Variants in RBFOX1 observed in about 807,000 individuals in gnomAD.
The protein encoded by RBFOX1 is RNA binding protein fox-1 homolog 1.
RBFOX1 carries 8 observed loss-of-function variants against 57.7 expected under a neutral mutation model. The ratio of observed to expected loss-of-function variants is 0.14; its 90% CI spans 0.08 to 0.25. The LOEUF is 0.25. RBFOX1 is among the 10% of genes least tolerant of loss of function. RBFOX1 has a pLI of 1.00. For synonymous variants in RBFOX1, 326 were observed against 222.4 expected (o/e 1.47, Z -4.15); for missense variants, 611 against 548.5 (o/e 1.11, Z -1.14).
At chr16:6,841,886 C>G (rs1006061208) in intron 3 of RBFOX1, among the ~76,000 whole-genome samples, 5 of 152,138 alleles carry the variant, frequency 3.3e-5, no homozygotes, top group Admixed American at 2.6e-4. Context: ...CGCCTGTAAT[C>G]CTAGCACTTT....
intron 1 of RBFOX1, among the ~76,000 whole-genome samples, chr16:6,212,347 A>G (rs2097304023): frequency 6.6e-6 from 1 of 151,530 alleles, no homozygotes. Context: ...TATGCAATAC[A>G]TATGCTATAC....
At chr16:6,070,152 A>G (rs2095818140) in intron 1 of RBFOX1, among the ~76,000 whole-genome samples, 1 of 152,226 alleles carries the variant, frequency 6.6e-6, no homozygotes, top group African/African-American at 2.4e-5. Flanking sequence ...TAATATGAGA[A>G]CTTTGTACAA....
intron 4 of RBFOX1, among the ~76,000 whole-genome samples, chr16:7,248,689 C>G (rs1199893792): frequency 6.6e-6 from 1 of 151,986 alleles, no homozygotes; most frequent in African/African-American, 2.4e-5. Flanking sequence ...CAGATAAGCA[C>G]CAAGAAAATT....
chr16:6,078,766 G>C (rs540995028), intron 1 of RBFOX1, among the ~76,000 whole-genome samples: 1 of 152,328 alleles, frequency 6.6e-6, no homozygotes, highest in East Asian at 1.9e-4. Context: ...AATATGTATT[G>C]CTTTTGTCAT....
intron 4 of RBFOX1, among the ~76,000 whole-genome samples, chr16:7,106,959 A>G (rs1200913061): frequency 1.2e-5 from 1 of 86,310 alleles, no homozygotes; most frequent in African/African-American, 4.2e-5. Context: ...CGAAGCTTGC[A>G]TTCCCATGTA....
intron 4 of RBFOX1, among the ~76,000 whole-genome samples, chr16:7,499,636 G>GA (rs754285794): frequency 3.9e-5 from 6 of 152,084 alleles, no homozygotes; most frequent in Non-Finnish European, 7.4e-5. Context: ...AATCAAACGA[G>GA]AAAAAACAGT....
At chr16:5,260,723 C>G (rs910406360) in intron 1 of RBFOX1, 2 of 152,290 alleles carry the variant, frequency 1.3e-5, no homozygotes, top group African/African-American at 4.8e-5. Context: ...TTTGCAGTCT[C>G]TTGACGTCAT....
At chr16:6,430,608 C>T (rs545331197) in intron 2 of RBFOX1, among the ~76,000 whole-genome samples, 5 of 152,182 alleles carry the variant, frequency 3.3e-5, no homozygotes, top group East Asian at 1.9e-4. Context: ...GTTCTGCTGA[C>T]GGGTGGAGAG....
intron 3 of RBFOX1, among the ~76,000 whole-genome samples, chr16:6,758,948 C>G (rs1193634386): frequency 2.0e-5 from 3 of 151,864 alleles, no homozygotes; most frequent in Non-Finnish European, 2.9e-5. Flanking sequence ...GAGGAAAAGC[C>G]TTTGCTTTCT....
At chr16:6,567,256 G>A (rs568160155) in intron 2 of RBFOX1, among the ~76,000 whole-genome samples, 8 of 152,222 alleles carry the variant, frequency 5.3e-5, no homozygotes, top group East Asian at 3.9e-4. Flanking sequence ...ATTCAGATAC[G>A]GTATCTTATT....
chr16:6,495,526 T>C (rs1006552363), intron 2 of RBFOX1, among the ~76,000 whole-genome samples: 1 of 152,176 alleles, frequency 6.6e-6, no homozygotes, highest in Non-Finnish European at 1.5e-5. Context: ...AGAGTAAACA[T>C]CTATTGATAT....
intron 14 of RBFOX1, among the ~76,000 whole-genome samples, chr16:7,688,128 C>G (rs899561604): frequency 1.3e-4 from 20 of 151,950 alleles, no homozygotes; most frequent in African/African-American, 4.8e-4. Flanking sequence ...TGTCCCACTG[C>G]TATCCTGGGG....
chr16:6,433,407 TG>T (rs2094149786), intron 2 of RBFOX1, among the ~76,000 whole-genome samples: 1 of 152,232 alleles, frequency 6.6e-6, no homozygotes, highest in Admixed American at 6.5e-5. Context: ...GACCTGCCCC[TG>T]GGTGTAGCCC....
intron 4 of RBFOX1, among the ~76,000 whole-genome samples, chr16:7,184,093 G>C (rs534862638): frequency 1.3e-5 from 2 of 152,298 alleles, no homozygotes; most frequent in African/African-American, 4.8e-5. Flanking sequence ...AGAAGAGCCT[G>C]GCAGCACAAA....
At chr16:6,896,543 A>G (rs1008121275) in intron 3 of RBFOX1, among the ~76,000 whole-genome samples, 2 of 152,090 alleles carry the variant, frequency 1.3e-5, no homozygotes, top group Non-Finnish European at 2.9e-5. Flanking sequence ...TGCCTGGGTA[A>G]TTTCAGTTAA....
chr16:7,561,343 G>T (rs1286474333), intron 5 of RBFOX1, among the ~76,000 whole-genome samples: 1 of 152,194 alleles, frequency 6.6e-6, no homozygotes, highest in Non-Finnish European at 1.5e-5. Flanking sequence ...GAAAAAGCAT[G>T]CTATCCCCAT....
intron 4 of RBFOX1, among the ~76,000 whole-genome samples, chr16:7,463,153 T>C (rs1599031542): frequency 6.6e-6 from 1 of 152,164 alleles, no homozygotes; most frequent in Non-Finnish European, 1.5e-5. Context: ...GATTCCCTCT[T>C]GCTATGCCCT....
At chr16:7,488,465 C>T (rs1319246133) in intron 4 of RBFOX1, among the ~76,000 whole-genome samples, 1 of 152,172 alleles carries the variant, frequency 6.6e-6, no homozygotes, top group Non-Finnish European at 1.5e-5. Flanking sequence ...CATTCTATCA[C>T]TCTGTACATT....
intron 2 of RBFOX1, among the ~76,000 whole-genome samples, chr16:6,410,521 C>T (rs931782527): frequency 2.0e-5 from 3 of 151,860 alleles, no homozygotes; most frequent in African/African-American, 7.3e-5. Flanking sequence ...CCGTGTTAGC[C>T]AGGATGGTCT....
Sources: gnomAD v4.1 joint callset for allele counts (sites outside exome capture counted in the v4.1 genomes callset) on GRCh38, gnomAD v4.1.1 for gene constraint, MANE v1.5 for transcripts, NCBI Gene and HGNC (gene_info 2026-07-23, HGNC 2026-07-21) for gene names.